GRID2: variants seen among roughly 807,000 people sequenced by gnomAD.
GRID2 encodes the protein glutamate receptor ionotropic, delta-2.
In GRID2, 33 loss-of-function variants were observed where a neutral mutation model predicts 114.8. The observed-to-expected ratio is 0.29, with a 90% CI of 0.22 to 0.38. GRID2 has a LOEUF of 0.38. Ranked by LOEUF, GRID2 falls within the 10% of genes least tolerant of loss-of-function variation. The pLI is 1.00. For synonymous variants in GRID2, 505 were observed against 449.9 expected (o/e 1.12, Z -1.55); for missense variants, 1,184 against 1,257.7 (o/e 0.94, Z 0.89).
chr4:93,094,460 A>G (rs939251775), intron 3 of GRID2, among the ~76,000 whole-genome samples: 1 of 152,042 alleles, frequency 6.6e-6, no homozygotes, highest in Non-Finnish European at 1.5e-5. Context: ...TTACTATGGC[A>G]CTCAGTCCAG....
chr4:92,468,875 A>C (rs1721884521), intron 1 of GRID2, among the ~76,000 whole-genome samples: 1 of 152,120 alleles, frequency 6.6e-6, no homozygotes, highest in African/African-American at 2.4e-5. Flanking sequence ...AAGGCTGTTG[A>C]AGTAGTCAAA....
intron 1 of GRID2, among the ~76,000 whole-genome samples, chr4:92,561,179 A>T (rs1727088059): frequency 6.6e-6 from 1 of 152,200 alleles, no homozygotes; most frequent in Non-Finnish European, 1.5e-5. Flanking sequence ...AAGCATATTG[A>T]TGTGTGGAAG....
rs563031335 is a variant in GRID2 at position 93,455,784 on chromosome 4, G to A, written c.1668G>A (p.Val556=). 2.5e-6 allele frequency: 4 copies of A among 1,612,594 alleles called. No homozygotes were observed. Among genetic ancestry groups the A allele is most frequent in the African/African-American group, 2.7e-5 (2 of 74,998 alleles). The change falls in exon 11 of 16, where the codon GTG becomes GTA. Residue 556 remains valine (V), a synonymous_variant. Transcript: ENST00000282020. ...GVLLRRAEKT[V]DMFACLAPFD... ...TACTTCGAAGGGCTGAAAAGACAGT[G>A]GATATGTTTGCCTGTCTTGCACCAT...
chr4:92,730,754 A>G (rs1201807423), intron 2 of GRID2, among the ~76,000 whole-genome samples: 3 of 151,952 alleles, frequency 2.0e-5, no homozygotes, highest in African/African-American at 7.2e-5. Context: ...AGGTGCCAAT[A>G]GAGATAAGCC....
chr4:93,750,223 CA>C (rs1732204007), intron 14 of GRID2, among the ~76,000 whole-genome samples: 1 of 152,106 alleles, frequency 6.6e-6, no homozygotes, highest in Non-Finnish European at 1.5e-5. Flanking sequence ...TGGAACAAAG[CA>C]CAAAATTATA....
chr4:92,446,645 G>T (rs1466894000), intron 1 of GRID2, among the ~76,000 whole-genome samples: 1 of 152,078 alleles, frequency 6.6e-6, no homozygotes, highest in Admixed American at 6.6e-5. Context: ...ACTTGTTTTT[G>T]AGGTCTCCTT....
At chr4:92,751,533 A>C (rs548332525) in intron 2 of GRID2, among the ~76,000 whole-genome samples, 5 of 152,352 alleles carry the variant, frequency 3.3e-5, no homozygotes, top group Admixed American at 2.6e-4. Context: ...GATAGTTCTT[A>C]GAAATAGACA....
chr4:93,119,100 C>T (rs780560142), intron 4 of GRID2, among the ~76,000 whole-genome samples: 19 of 151,924 alleles, frequency 1.3e-4, no homozygotes, highest in Non-Finnish European at 2.4e-4. Context: ...ATTATGCTCC[C>T]TTTGAAGTCT....
intron 1 of GRID2, among the ~76,000 whole-genome samples, chr4:92,456,036 AT>A (rs1721196371): frequency 6.6e-6 from 1 of 152,172 alleles, no homozygotes; most frequent in South Asian, 2.1e-4. Context: ...TATGTCAAAA[AT>A]TTAGAACTTT....
At chr4:93,048,510 TCA>T (rs1167792095) in intron 2 of GRID2, among the ~76,000 whole-genome samples, 1 of 151,978 alleles carries the variant, frequency 6.6e-6, no homozygotes, top group African/African-American at 2.4e-5. Flanking sequence ...CTTCTGAAAA[TCA>T]CAGTTATTTG....
intron 2 of GRID2, among the ~76,000 whole-genome samples, chr4:92,723,535 T>C (rs1181898370): frequency 6.6e-6 from 1 of 152,188 alleles, no homozygotes; most frequent in Non-Finnish European, 1.5e-5. Flanking sequence ...TATGTCTTTT[T>C]TCATGAAACT....
intron 2 of GRID2, among the ~76,000 whole-genome samples, chr4:92,961,055 T>G (rs778664304): frequency 6.6e-6 from 1 of 151,864 alleles, no homozygotes; most frequent in Admixed American, 6.6e-5. Context: ...CTAAAAATAA[T>G]ACTTAATATT....
rs929340064 is a variant in GRID2 at position 92,304,105 on chromosome 4, C to G, written c.-552C>G. On this transcript the variant is annotated 5_prime_UTR_variant, in exon 1 of 16. Coordinates refer to ENST00000282020, the MANE Select transcript of GRID2 (RefSeq NM_001510.4). ...TGGAGAGGGCTTTTTTCCCCCCTCC[C>G]TGGTGGAATCTGGCTGCTCCGTTTG... 1 of 158,408 alleles carries G rather than the reference C, an allele frequency of 6.3e-6. No individual in the cohort carries two copies. The highest frequency in any genetic ancestry group is 2.4e-5 in the African/African-American group (1 of 41,510). 9.8% of individuals were successfully genotyped at this position (158,408 alleles called of 1,614,324 possible).
At chr4:92,821,777 C>A (rs1210786781) in intron 2 of GRID2, among the ~76,000 whole-genome samples, 6 of 152,076 alleles carry the variant, frequency 3.9e-5, no homozygotes, top group Non-Finnish European at 8.8e-5. Context: ...GCAGTGATTC[C>A]TTTTTCCATT....
chr4:93,269,310 T>C (rs968561942), intron 8 of GRID2, among the ~76,000 whole-genome samples: 1 of 152,082 alleles, frequency 6.6e-6, no homozygotes, highest in South Asian at 2.1e-4. Flanking sequence ...TTAAAAAAAG[T>C]TTTTGGTTAA....
At chr4:93,413,903 C>A (rs191277795) in intron 9 of GRID2, among the ~76,000 whole-genome samples, 1 of 152,116 alleles carries the variant, frequency 6.6e-6, no homozygotes, top group Non-Finnish European at 1.5e-5. Context: ...GTCTTTGGTT[C>A]CATATTGAAC....
intron 12 of GRID2, among the ~76,000 whole-genome samples, chr4:93,506,455 T>TA (rs1728639098): frequency 6.6e-6 from 1 of 152,094 alleles, no homozygotes; most frequent in African/African-American, 2.4e-5. Context: ...TAAACAGTTC[T>TA]AAAAAAATTA....
intron 13 of GRID2, among the ~76,000 whole-genome samples, chr4:93,573,237 A>G (rs540204622): frequency 1.3e-5 from 2 of 152,272 alleles, no homozygotes; most frequent in South Asian, 4.1e-4. Context: ...CTAGGCCCCT[A>G]TTGTACAACT....
At chr4:93,646,729 G>T (rs1202996395) in intron 14 of GRID2, among the ~76,000 whole-genome samples, 1 of 152,120 alleles carries the variant, frequency 6.6e-6, no homozygotes, top group Non-Finnish European at 1.5e-5. Flanking sequence ...TCAGTCTAGG[G>T]TGGTGTAATT....
Sources: allele counts gnomAD v4.1 joint callset (sites outside exome capture counted in the v4.1 genomes callset), GRCh38; gene constraint gnomAD v4.1.1; transcripts MANE v1.5; gene names NCBI Gene and HGNC (gene_info 2026-07-23, HGNC 2026-07-21).